Variants in UTRN observed in about 807,000 individuals in gnomAD.
UTRN encodes the protein dystrophin-related protein 1.
Under a neutral mutation model 463.9 loss-of-function variants are expected in UTRN, and 283 were observed. That is an observed-to-expected ratio of 0.61 (90% CI 0.55 to 0.67). The LOEUF (loss-of-function observed/expected upper bound fraction) is 0.67, where lower values mean the gene tolerates loss of function less well. Ranked by LOEUF, UTRN falls within the 30% of genes least tolerant of loss-of-function variation. UTRN has a pLI of 0.00. For synonymous variants in UTRN, 1,442 were observed against 1,431.5 expected (o/e 1.01, Z -0.17); for missense variants, 3,922 against 4,084.3 (o/e 0.96, Z 1.08).
chr6:144,849,558 G>A (rs1782310134), intron 74 of UTRN, among the ~76,000 whole-genome samples: 1 of 152,132 alleles, frequency 6.6e-6, no homozygotes, highest in African/African-American at 2.4e-5. Flanking sequence ...CTCAATACAA[G>A]AGGCCCCTTT....
In UTRN at chr6:144,803,181, A is replaced by G. The variant is rs779091024; in HGVS notation, c.9357+34A>G. The G allele has an allele frequency of 7.6e-6, 10 of 1,315,730 alleles. No homozygotes were observed. In the South Asian group the frequency reaches 7.8e-5, roughly 10 times the overall value. The allele number at this position is 1,315,730 out of a possible 1,614,324, so 81.5% of individuals were successfully genotyped here. On this transcript the variant is annotated intron_variant, in intron 65 of 74. Coordinates refer to ENST00000367545, the MANE Select transcript of UTRN (RefSeq NM_007124.3). ...TAACCCACTGTTTTGTTTTTAATAC[A>G]TTGCCATTGAATTAACTAGTATCTA... is the stretch of plus-strand genomic sequence containing the variant.
At chr6:144,761,220 CTA>C (rs1792634081) in intron 58 of UTRN, among the ~76,000 whole-genome samples, 1 of 152,040 alleles carries the variant, frequency 6.6e-6, no homozygotes, top group East Asian at 1.9e-4. Context: ...ATAAACCTCT[CTA>C]TTTGTTAATA....
At chr6:144,625,519 G>A (rs1775854492) in intron 51 of UTRN, among the ~76,000 whole-genome samples, 1 of 152,176 alleles carries the variant, frequency 6.6e-6, no homozygotes, top group East Asian at 1.9e-4. Flanking sequence ...ATTTTGGCAT[G>A]TAAAGAATAC....
Position 144,626,994 on chromosome 6 carries a change from A to G in UTRN, c.7479+49706A>G, listed in dbSNP as rs75716735. Among the ~76,000 whole-genome samples the G allele has an allele frequency of 2.0e-3, 302 of 152,292 alleles. 8 individuals are homozygous for G. In the East Asian group the frequency reaches 0.048, roughly 24 times the overall value. ...TCTGGTTTATATCTTATGTCTTTGTAGATCATTGAGAAATAAGATTTGATA... is the reference window on the plus strand; with the variant it reads ...TCTGGTTTATATCTTATGTCTTTGTGGATCATTGAGAAATAAGATTTGATA... On this transcript the variant is annotated intron_variant, in intron 51 of 74. Transcript: ENST00000367545.
intron 74 of UTRN, among the ~76,000 whole-genome samples, chr6:144,849,779 T>C (rs1465760460): frequency 6.6e-6 from 1 of 152,194 alleles, no homozygotes; most frequent in East Asian, 1.9e-4. Context: ...CACATCTCAT[T>C]CTCAAGGATA....
At chr6:144,480,778 A>G (rs1791774503) in intron 26 of UTRN, among the ~76,000 whole-genome samples, 1 of 152,196 alleles carries the variant, frequency 6.6e-6, no homozygotes, top group Non-Finnish European at 1.5e-5. Context: ...ACAGTGACTA[A>G]TGTTTTACCT....
At chr6:144,525,316 G>T (rs969886458) in intron 41 of UTRN, among the ~76,000 whole-genome samples, 1 of 151,962 alleles carries the variant, frequency 6.6e-6, no homozygotes, top group African/African-American at 2.4e-5. Context: ...ATCGGGTCCT[G>T]GGCTTTTTTT....
chr6:144,375,089 T>G (rs1235354885), intron 2 of UTRN, among the ~76,000 whole-genome samples: 2 of 152,236 alleles, frequency 1.3e-5, no homozygotes, highest in African/African-American at 4.8e-5. Flanking sequence ...CTACATAGTA[T>G]GAGACTTCTA....
intron 53 of UTRN, among the ~76,000 whole-genome samples, chr6:144,715,549 C>T (rs994012173): frequency 6.6e-5 from 10 of 152,088 alleles, no homozygotes; most frequent in Non-Finnish European, 1.0e-4. Flanking sequence ...ACACTGGTTT[C>T]GGCCACACTG....
intron 39 of UTRN, among the ~76,000 whole-genome samples, chr6:144,518,356 A>C (rs566442812): frequency 6.6e-6 from 1 of 152,240 alleles, no homozygotes; most frequent in African/African-American, 2.4e-5. Context: ...ATAACGACAT[A>C]CAAAGTCTTC....
chr6:144,823,812 A>T (rs986170933), intron 66 of UTRN, among the ~76,000 whole-genome samples: 1 of 152,200 alleles, frequency 6.6e-6, no homozygotes, highest in African/African-American at 2.4e-5. Flanking sequence ...GGCTAAAGAG[A>T]TAGGTTGGTT....
chr6:144,614,947 A>G (rs949153237), intron 51 of UTRN, among the ~76,000 whole-genome samples: 3 of 152,262 alleles, frequency 2.0e-5, no homozygotes, highest in African/African-American at 7.2e-5. Context: ...AACCCTCAAC[A>G]TTTCAAAGGC....
At chr6:144,349,674 A>G (rs1777941145) in intron 2 of UTRN, among the ~76,000 whole-genome samples, 1 of 152,148 alleles carries the variant, frequency 6.6e-6, no homozygotes, top group Admixed American at 6.5e-5. Flanking sequence ...TGTGCACTCC[A>G]TCATGTTTTT....
At chr6:144,839,928 A>G (rs1362800963) in intron 72 of UTRN, among the ~76,000 whole-genome samples, 3 of 152,242 alleles carry the variant, frequency 2.0e-5, no homozygotes, top group African/African-American at 7.2e-5. Context: ...ATCTTTTGGT[A>G]CATTAACCAG....
At chr6:144,732,265 T>TATATATATATATATAC in intron 54 of UTRN, among the ~76,000 whole-genome samples, 1 of 78,426 alleles carries the variant, frequency 1.3e-5, no homozygotes, top group Admixed American at 1.3e-4. Flanking sequence ...TATACACACA[T>TATATATATATATATAC]ATATATATAT....
intron 8 of UTRN, 130 bp downstream of exon 8, chr6:144,429,023 G>T: frequency 3.5e-6 from 2 of 576,906 alleles, no homozygotes; most frequent in Non-Finnish European, 2.9e-6. Context: ...TGGAGTATAG[G>T]TGCGAGTCAT....
intron 74 of UTRN, among the ~76,000 whole-genome samples, chr6:144,847,051 T>C (rs761641226): frequency 1.3e-5 from 2 of 152,218 alleles, no homozygotes; most frequent in African/African-American, 2.4e-5. Flanking sequence ...TCCTTTGTGT[T>C]CTAACAGCTT....
chr6:144,319,042 C>G (rs1418251190), intron 2 of UTRN, among the ~76,000 whole-genome samples: 1 of 152,060 alleles, frequency 6.6e-6, no homozygotes, highest in Non-Finnish European at 1.5e-5. Flanking sequence ...GCACTCCAGC[C>G]TGGTTGACAG....
Position 144,463,980 on chromosome 6 carries a change from A to G in UTRN, c.3066+1114A>G, listed in dbSNP as rs140438663. 6.4e-3 allele frequency among the ~76,000 whole-genome samples: 976 copies of G among 151,448 alleles called. 13 individuals are homozygous for G. The highest frequency in any genetic ancestry group is 0.023 in the African/African-American group (949 of 41,378). On this transcript the variant is annotated intron_variant, in intron 23 of 74. Transcript: ENST00000367545. The stretch of plus-strand genomic sequence containing the variant: ...TATATTTAGATGTAGATCCAAATAT[A>G]TGTAGATACAATATATATATCTACA...
Sources: gnomAD v4.1 joint callset for allele counts (sites outside exome capture counted in the v4.1 genomes callset) on GRCh38, gnomAD v4.1.1 for gene constraint, MANE v1.5 for transcripts, NCBI Gene and HGNC (gene_info 2026-07-23, HGNC 2026-07-21) for gene names.